The following LPP variants were observed in gnomAD, a reference collection of about 807,000 sequenced individuals.
LPP encodes the protein LIM domain containing preferred translocation partner in lipoma, also known as lipoma-preferred partner.
LPP carries 38 observed loss-of-function variants against 60.4 expected under a neutral mutation model. The ratio of observed to expected loss-of-function variants is 0.63; its 90% CI spans 0.49 to 0.83. LPP has a LOEUF of 0.83. LPP is among the 40% of genes least tolerant of loss of function. The pLI is 0.00. For missense variants in LPP, 902 were observed against 783.6 expected (o/e 1.15, Z -1.80); for synonymous variants, 328 against 290.8 (o/e 1.13, Z -1.30).
intron 1 of LPP, among the ~76,000 whole-genome samples, chr3:188,194,319 A>G (rs1290998038): frequency 1.3e-5 from 2 of 152,174 alleles, no homozygotes; most frequent in East Asian, 1.9e-4. Flanking sequence ...TCTGTGTATC[A>G]CCAGAAGGCA....
intron 7 of LPP, among the ~76,000 whole-genome samples, chr3:188,672,899 T>C (rs576256898): frequency 2.0e-5 from 3 of 152,134 alleles, no homozygotes; most frequent in Non-Finnish European, 4.4e-5. Flanking sequence ...ACTTTATATT[T>C]TACTATCTAT....
intron 3 of LPP, among the ~76,000 whole-genome samples, chr3:188,391,103 G>A (rs1226667551): frequency 6.6e-6 from 1 of 152,188 alleles, no homozygotes; most frequent in Non-Finnish European, 1.5e-5. Context: ...TCCCTCATGA[G>A]TACAAAGACT....
In LPP at chr3:188,884,432, A is replaced by G. The variant is rs1770429094; in HGVS notation, c.*9953A>G. 4.4e-6 allele frequency: 1 copy of G among 229,726 alleles called. No individual in the cohort carries two copies. Among genetic ancestry groups the G allele is most frequent in the Non-Finnish European group, 8.6e-6 (1 of 115,966 alleles). 14.2% of individuals were successfully genotyped at this position (229,726 alleles called of 1,614,324 possible). On this transcript the variant is annotated 3_prime_UTR_variant, in exon 12 of 12. Transcript: ENST00000617246. ...AATCCACATGTGTACTGCGGTCTTT[A>G]GAGATCATTTAGAGCTTGCACACAT...
At chr3:188,265,496 A>G (rs531261788) in intron 2 of LPP, among the ~76,000 whole-genome samples, 1 of 152,198 alleles carries the variant, frequency 6.6e-6, no homozygotes, top group Non-Finnish European at 1.5e-5. Flanking sequence ...AGTTAACAAT[A>G]CTTGGAGACA....
At chr3:188,669,954 C>T (rs759215319) in intron 7 of LPP, among the ~76,000 whole-genome samples, 26 of 152,076 alleles carry the variant, frequency 1.7e-4, no homozygotes, top group African/African-American at 2.2e-4. Context: ...TCCTTTGTAG[C>T]GACATGGATG....
Position 188,766,106 on chromosome 3 carries a change from A to C in LPP, c.1410+5824A>C, listed in dbSNP as rs186529254. On this transcript the variant is annotated intron_variant, in intron 9 of 11. Transcript: ENST00000617246. ...AGGCTGGTCTCAAACTCCTGACCTC[A>C]GGTTATCCACTGCCTTGGCCTCCCA... Among the ~76,000 whole-genome samples, 117 of 151,960 alleles carry C rather than the reference A, an allele frequency of 7.7e-4. No homozygotes were observed. The East Asian group carries it at 0.02, about 26-fold the overall frequency.
At chr3:188,746,213 G>C (rs1403964532) in intron 8 of LPP, among the ~76,000 whole-genome samples, 2 of 152,014 alleles carry the variant, frequency 1.3e-5, no homozygotes, top group Admixed American at 1.3e-4. Context: ...GTACATATAT[G>C]GTTTCTTTAA....
intron 4 of LPP, among the ~76,000 whole-genome samples, chr3:188,451,838 G>A (rs1029967737): frequency 3.3e-5 from 5 of 152,156 alleles, no homozygotes; most frequent in Admixed American, 1.3e-4. Context: ...TGGCATCCTC[G>A]AGGGATAGTG....
intron 6 of LPP, among the ~76,000 whole-genome samples, chr3:188,565,549 A>T (rs924104281): frequency 2.0e-5 from 3 of 151,984 alleles, no homozygotes; most frequent in African/African-American, 7.2e-5. Flanking sequence ...TTAGAAAGCA[A>T]TCGTGAGATA....
At chr3:188,299,469 C>T (rs921732426) in intron 2 of LPP, among the ~76,000 whole-genome samples, 4 of 152,180 alleles carry the variant, frequency 2.6e-5, no homozygotes, top group African/African-American at 9.7e-5. Context: ...GTCTCTGATT[C>T]CCTTTCTAGG....
intron 7 of LPP, among the ~76,000 whole-genome samples, chr3:188,653,237 T>A (rs1400154171): frequency 6.6e-6 from 1 of 152,206 alleles, no homozygotes; most frequent in African/African-American, 2.4e-5. Flanking sequence ...CCAAGCATCA[T>A]CTACTGAAAG....
chr3:188,311,468 A>C (rs1407722694), intron 2 of LPP, among the ~76,000 whole-genome samples: 2 of 138,490 alleles, frequency 1.4e-5, no homozygotes, highest in Non-Finnish European at 3.1e-5. Context: ...GCGAGACCCT[A>C]TCTCTAAACT....
chr3:188,248,468 T>TTATATATATA (rs55811112), intron 2 of LPP, among the ~76,000 whole-genome samples: 7,632 of 83,810 alleles, frequency 0.091, 784 homozygotes, highest in Middle Eastern at 0.15. Context: ...CAGTATAACT[T>TTATATATATA]TATATATATA....
At chr3:188,314,672 T>G (rs1754509117) in intron 2 of LPP, among the ~76,000 whole-genome samples, 1 of 151,916 alleles carries the variant, frequency 6.6e-6, no homozygotes, top group Non-Finnish European at 1.5e-5. Flanking sequence ...AATACAAAAA[T>G]TAGCTGGGCA....
At chr3:188,398,173 CAT>C (rs1781413500) in intron 3 of LPP, among the ~76,000 whole-genome samples, 1 of 152,172 alleles carries the variant, frequency 6.6e-6, no homozygotes, top group Non-Finnish European at 1.5e-5. Flanking sequence ...GGAGTTAAAA[CAT>C]AGTTTTGTAA....
chr3:188,213,716 AC>A (rs1712235589), intron 1 of LPP, among the ~76,000 whole-genome samples: 1 of 152,062 alleles, frequency 6.6e-6, no homozygotes, highest in African/African-American at 2.4e-5. Flanking sequence ...TATGAATGCA[AC>A]CTTCTGCTCT....
intron 1 of LPP, among the ~76,000 whole-genome samples, chr3:188,157,942 A>C (rs1717011814): frequency 6.6e-6 from 1 of 152,192 alleles, no homozygotes; most frequent in Non-Finnish European, 1.5e-5. Flanking sequence ...CTGTGTTTTG[A>C]AAGGCCAGCC....
chr3:188,720,335 A>C (rs1715816712), intron 8 of LPP, among the ~76,000 whole-genome samples: 1 of 152,218 alleles, frequency 6.6e-6, no homozygotes, highest in Non-Finnish European at 1.5e-5. Flanking sequence ...AAGGAGAGAA[A>C]GCATTTGTCA....
chr3:188,385,376 T>G (rs114973971), intron 3 of LPP, among the ~76,000 whole-genome samples: 1,535 of 152,232 alleles, frequency 0.01, 30 homozygotes, highest in African/African-American at 0.035. Context: ...GTTCATTTGT[T>G]CCTTCCTCGT....
Sources: gnomAD v4.1 joint callset for allele counts (sites outside exome capture counted in the v4.1 genomes callset) on GRCh38, gnomAD v4.1.1 for gene constraint, MANE v1.5 for transcripts, NCBI Gene and HGNC (gene_info 2026-07-23, HGNC 2026-07-21) for gene names.